The following CCDC15 variants were observed in gnomAD, a reference collection of about 807,000 sequenced individuals.
The protein encoded by CCDC15 is coiled-coil domain-containing protein 15.
A neutral mutation model predicts 114.5 loss-of-function variants in CCDC15; 105 were observed. The observed-to-expected ratio is 0.92, with a 90% CI of 0.78 to 1.08. The LOEUF is 1.08. Among genes scored for constraint, CCDC15 ranks in the 50% least tolerant of loss-of-function variants. CCDC15 has a pLI of 0.00. For missense variants in CCDC15, 1,105 were observed against 1,093.6 expected, an observed-to-expected ratio of 1.01 and a Z score of -0.15; for synonymous variants, 334 against 377.8, an observed-to-expected ratio of 0.88 and a Z score of 1.34.
chr11:124,997,954 A>C (rs1174669784), intron 11 of CCDC15, among the ~76,000 whole-genome samples: 1 of 152,132 alleles, frequency 6.6e-6, no homozygotes, highest in Non-Finnish European at 1.5e-5. Context: ...TAAATAAATA[A>C]ATAAACAAAC....
chr11:125,005,832 T>G (rs1296708696), intron 13 of CCDC15, among the ~76,000 whole-genome samples: 1 of 152,178 alleles, frequency 6.6e-6, no homozygotes, highest in East Asian at 1.9e-4. Flanking sequence ...CTTTTTAGAT[T>G]GGCTTTTTAT....
intron 13 of CCDC15, among the ~76,000 whole-genome samples, chr11:125,017,623 A>G (rs58690907): frequency 0.2 from 30,816 of 152,048 alleles, 3,713 homozygotes; most frequent in African/African-American, 0.33. Context: ...CTATTCTAAA[A>G]GAAAAGTTAA....
intron 13 of CCDC15, among the ~76,000 whole-genome samples, chr11:125,035,649 C>T (rs1371721589): frequency 2.0e-5 from 3 of 151,988 alleles, no homozygotes; most frequent in African/African-American, 4.8e-5. Context: ...TCATGGTCTT[C>T]TTTCTTCTTC....
At chr11:125,015,524 G>A (rs1351182876) in intron 13 of CCDC15, among the ~76,000 whole-genome samples, 1 of 152,012 alleles carries the variant, frequency 6.6e-6, no homozygotes, top group Non-Finnish European at 1.5e-5. Context: ...AACTAAAATG[G>A]ACACAAGAAG....
At chr11:125,035,356 T>C (rs1948768526) in intron 13 of CCDC15, among the ~76,000 whole-genome samples, 1 of 151,990 alleles carries the variant, frequency 6.6e-6, no homozygotes, top group Non-Finnish European at 1.5e-5. Context: ...TTTATAGTTT[T>C]TGTCTTGAAA....
Position 124,993,159 on chromosome 11 carries a change from G to A in CCDC15, c.2140-10G>A. 3 of 1,570,464 alleles carry A rather than the reference G, an allele frequency of 1.9e-6. No homozygotes were observed. Among genetic ancestry groups the A allele is most frequent in the Non-Finnish European group, 2.6e-6 (3 of 1,145,128 alleles). ...TAGACAATCAGTTTTGTATTTTGTT[G>A]TTCCTTTAGAACAAGCATATCAAAC... On this transcript the variant is annotated splice_polypyrimidine_tract_variant and intron_variant, in intron 10 of 15. Coordinates refer to ENST00000344762, the MANE Select transcript of CCDC15 (RefSeq NM_025004.3).
At chr11:124,999,662 T>C (rs1948438911) in intron 11 of CCDC15, among the ~76,000 whole-genome samples, 1 of 152,092 alleles carries the variant, frequency 6.6e-6, no homozygotes, top group African/African-American at 2.4e-5. Context: ...AACTTTTGTA[T>C]TTTCATTCAC....
At chr11:124,995,993 C>A (rs1443982376) in intron 11 of CCDC15, among the ~76,000 whole-genome samples, 1 of 151,926 alleles carries the variant, frequency 6.6e-6, no homozygotes, top group African/African-American at 2.4e-5. Context: ...CCAAGCCTGG[C>A]TAATTTTTGT....
intron 13 of CCDC15, among the ~76,000 whole-genome samples, chr11:125,023,087 T>G (rs972157793): frequency 7.9e-5 from 12 of 151,958 alleles, no homozygotes; most frequent in Admixed American, 6.6e-5. Context: ...TAACAAGTCT[T>G]TGCCTAACCC....
At position 125,003,878 on chromosome 11, in the gene CCDC15, G is replaced by T; in HGVS notation, c.2226G>T (p.Arg742Ser). 6.4e-6 allele frequency: 10 copies of T among 1,559,048 alleles called. No individual in the cohort carries two copies. The highest frequency in any genetic ancestry group is 8.6e-6 in the Non-Finnish European group (10 of 1,156,644). The change falls in exon 12 of 16, where the codon AGG (arginine) becomes AGT (serine). Residue 742 changes from arginine to serine, a missense_variant. Transcript: ENST00000344762. ...GACCTTCTTAACAGGCTTATGATAG[G>T]TATCAATCAGGATTGAGCACTGAAT... is the stretch of plus-strand genomic sequence containing the variant. Reference protein sequence around the residue: ...NTPGVPLAYDRYQSGLSTEFQ... With the variant: ...NTPGVPLAYDSYQSGLSTEFQ...
intron 6 of CCDC15, among the ~76,000 whole-genome samples, chr11:124,979,620 A>G (rs895551440): frequency 7.9e-5 from 12 of 151,896 alleles, no homozygotes; most frequent in African/African-American, 2.7e-4. Flanking sequence ...CTGATTTTGT[A>G]TCCTGAAACT....
intron 4 of CCDC15, among the ~76,000 whole-genome samples, chr11:124,962,121 C>T (rs1339919581): frequency 6.6e-6 from 1 of 151,720 alleles, no homozygotes; most frequent in Non-Finnish European, 1.5e-5. Flanking sequence ...GTCCATATGA[C>T]TCCATGACAA....
chr11:124,984,290 TG>T (rs1948121338), intron 6 of CCDC15, among the ~76,000 whole-genome samples: 1 of 152,074 alleles, frequency 6.6e-6, no homozygotes, highest in African/African-American at 2.4e-5. Context: ...TGTGGTCTGC[TG>T]TGATGGTCAG....
intron 8 of CCDC15, among the ~76,000 whole-genome samples, chr11:124,989,094 G>A (rs1441955667): frequency 3.3e-5 from 5 of 152,166 alleles, no homozygotes; most frequent in Admixed American, 3.3e-4. Flanking sequence ...AGGAATTGCT[G>A]TCCGTGACAG....
rs760911695 is a variant in CCDC15 at position 124,975,126 on chromosome 11, C to T, written c.547C>T (p.Arg183Trp). The change falls in exon 5 of 16, where the codon CGG (arginine) becomes TGG (tryptophan). Residue 183 changes from arginine (R) to tryptophan (W), a missense_variant. By Grantham distance (101) the Arg-to-Trp change is moderately radical. Coordinates refer to ENST00000344762, the MANE Select transcript of CCDC15 (RefSeq NM_025004.3). ...LSETMKQARH[R>W]LASFKTVIKK... is the part of the protein sequence containing the mutation. The stretch of plus-strand genomic sequence containing the variant: ...TGAAACTATGAAACAGGCACGTCAC[C>T]GGCTAGCATCCTTTAAAACCGTGAT... The T allele has an allele frequency of 1.9e-5, 31 of 1,590,410 alleles. No individual in the cohort carries two copies. The highest frequency in any genetic ancestry group is 3.3e-4 in the Middle Eastern group (2 of 6,018).
At chr11:125,027,186 G>C (rs945089491) in intron 13 of CCDC15, among the ~76,000 whole-genome samples, 1 of 152,072 alleles carries the variant, frequency 6.6e-6, no homozygotes, top group Non-Finnish European at 1.5e-5. Flanking sequence ...TGTGAATTGT[G>C]CTTCTGTAAA....
chr11:124,973,679 G>A (rs1432306561), intron 4 of CCDC15, among the ~76,000 whole-genome samples: 4 of 151,790 alleles, frequency 2.6e-5, no homozygotes, highest in South Asian at 2.1e-4. Flanking sequence ...GTTAGGGTGC[G>A]GTGGCGCAAT....
chr11:124,958,457 C>T (rs1157149435), intron 2 of CCDC15, among the ~76,000 whole-genome samples: 2 of 151,818 alleles, frequency 1.3e-5, no homozygotes, highest in African/African-American at 2.4e-5. Flanking sequence ...TATTGGACAC[C>T]CCTGGTTTAG....
intron 8 of CCDC15, among the ~76,000 whole-genome samples, chr11:124,989,203 A>G (rs902350111): frequency 1.3e-5 from 2 of 152,246 alleles, no homozygotes; most frequent in African/African-American, 2.4e-5. Flanking sequence ...AAAAAACAAC[A>G]TTAATCTCCT....
Sources: gnomAD v4.1 joint callset for allele counts (sites outside exome capture counted in the v4.1 genomes callset) on GRCh38, gnomAD v4.1.1 for gene constraint, MANE v1.5 for transcripts, NCBI Gene and HGNC (gene_info 2026-07-23, HGNC 2026-07-21) for gene names.